The following PLB1 variants were observed in gnomAD, a reference collection of about 807,000 sequenced individuals.
The protein encoded by PLB1 is phospholipase B1, membrane-associated.
Under a neutral mutation model 227.4 loss-of-function variants are expected in PLB1, and 242 were observed. That is an observed-to-expected ratio of 1.06 (90% CI 0.96 to 1.18). The LOEUF (loss-of-function observed/expected upper bound fraction) is 1.18, where lower values mean the gene tolerates loss of function less well. PLB1 is among the 50% of genes most tolerant of loss of function. The pLI is 0.00. For missense variants in PLB1, 1,858 were observed against 1,816.3 expected (o/e 1.02, Z -0.42); for synonymous variants, 757 against 682.2 (o/e 1.11, Z -1.71).
intron 4 of PLB1, among the ~76,000 whole-genome samples, chr2:28,521,326 A>G (rs982757658): frequency 3.9e-5 from 6 of 152,204 alleles, no homozygotes; most frequent in African/African-American, 1.2e-4. Flanking sequence ...TAGTAATTCT[A>G]TTTTTAAAAC....
intron 6 of PLB1, 45 bp downstream of exon 6, chr2:28,525,990 T>C (rs4666085): frequency 0.97 from 1,557,050 of 1,611,392 alleles, 753,153 homozygotes; most frequent in East Asian, 1. Context: ...GCCCCTCTCC[T>C]TCCCAACACA....
chr2:28,571,379 C>G (rs992176795), intron 20 of PLB1, among the ~76,000 whole-genome samples: 6 of 152,202 alleles, frequency 3.9e-5, no homozygotes, highest in Non-Finnish European at 8.8e-5. Flanking sequence ...ATACTCCCCA[C>G]ATCAATCTAC....
At chr2:28,523,607 C>T (rs572729523) in intron 4 of PLB1, among the ~76,000 whole-genome samples, 1 of 152,240 alleles carries the variant, frequency 6.6e-6, no homozygotes, top group African/African-American at 2.4e-5. Flanking sequence ...GAGCCCTTCC[C>T]CCAACCCCCT....
intron 46 of PLB1, 155 bp downstream of exon 46, chr2:28,618,554 G>A (rs1686527920): frequency 4.1e-6 from 3 of 737,786 alleles, no homozygotes; most frequent in East Asian, 2.7e-5. Context: ...GCCAGGAGAT[G>A]TAGAATGCCC....
chr2:28,580,381 T>G (rs564209572), intron 23 of PLB1, among the ~76,000 whole-genome samples: 121 of 152,222 alleles, frequency 7.9e-4, no homozygotes, highest in African/African-American at 2.8e-3. Context: ...AAAGCAGACA[T>G]CAGGATGTTG....
intron 27 of PLB1, 38 bp from the exon 28 acceptor site, chr2:28,589,637 T>C (rs753755819): frequency 1.2e-6 from 2 of 1,606,930 alleles, no homozygotes. Flanking sequence ...TGATCCAGTG[T>C]GTCTATAACT....
chr2:28,528,941 C>CTTT (rs201087238), intron 6 of PLB1, among the ~76,000 whole-genome samples: 49 of 109,418 alleles, frequency 4.5e-4, no homozygotes, highest in African/African-American at 1.7e-3. Context: ...GGGAGTCAGT[C>CTTT]TTTTTTTTTT....
intron 14 of PLB1, chr2:28,548,422 C>T (rs114515021): frequency 2.3e-5 from 8 of 341,890 alleles, no homozygotes; most frequent in East Asian, 7.8e-5. Context: ...GCTGGATAAC[C>T]GGCCCCCACG....
chr2:28,633,443 A>G (rs35357163), intron 56 of PLB1: 6,126 of 188,372 alleles, frequency 0.033, 152 homozygotes, highest in Non-Finnish European at 0.049. Context: ...CAGACAACGC[A>G]TTGAGATCAT....
intron 21 of PLB1, among the ~76,000 whole-genome samples, chr2:28,575,006 A>T: frequency 6.6e-6 from 1 of 152,146 alleles, no homozygotes; most frequent in Non-Finnish European, 1.5e-5. Context: ...TCATGTAATG[A>T]CTTATTTTCC....
At position 28,628,603 on chromosome 2, in the gene PLB1, A is replaced by T. The variant is rs868520406; in HGVS notation, c.3701A>T (p.Gln1234Leu). The change falls in exon 52 of 58, where the codon CAG (glutamine) becomes CTG (leucine). Residue 1234 changes from glutamine to leucine, a missense_variant. Physicochemically the swap from Gln to Leu is moderately radical, Grantham distance 113. Coordinates refer to ENST00000327757, the MANE Select transcript of PLB1 (RefSeq NM_153021.5). ...ACGGAATATGTTCAGCACATCCAAC[A>T]GGCCCTGGACATCCTCTCTGAGGAG... The part of the protein sequence containing the change: ...LATEYVQHIQ[Q>L]ALDILSEELP... The T allele has an allele frequency of 1.6e-5, 26 of 1,614,148 alleles. No homozygotes were observed. Among genetic ancestry groups the T allele is most frequent in the Non-Finnish European group, 2.1e-5 (25 of 1,180,014 alleles).
At chr2:28,506,889 A>G (rs1210995777) in intron 1 of PLB1, among the ~76,000 whole-genome samples, 3 of 152,126 alleles carry the variant, frequency 2.0e-5, no homozygotes, top group Non-Finnish European at 4.4e-5. Context: ...TTCCTTTTGC[A>G]TTATTGCATC....
In PLB1 at chr2:28,496,068, G is replaced by A. The variant is rs1666393383; in HGVS notation, c.-47G>A. On this transcript the variant is annotated 5_prime_UTR_variant, in exon 1 of 58. Transcript: ENST00000327757. ...AGGAGGTGTGATAGCCCATCCATCT[G>A]CTGGAGCAGCTCTTCCAGAGGCCCG... is the stretch of plus-strand genomic sequence containing the variant. The A allele has an allele frequency of 6.3e-7, 1 of 1,582,820 alleles. No homozygotes were observed. The highest frequency in any genetic ancestry group is 8.7e-7 in the Non-Finnish European group (1 of 1,152,058).
chr2:28,639,159 C>G (rs971127582), intron 56 of PLB1, among the ~76,000 whole-genome samples: 1 of 151,974 alleles, frequency 6.6e-6, no homozygotes, highest in Non-Finnish European at 1.5e-5. Context: ...CTACCTAGCC[C>G]TGGGCATTCA....
rs764848596 is a variant in PLB1, at chr2:28,630,574, C to A, written c.3819-12C>A. 1 of 1,612,574 alleles carries A rather than the reference C, an allele frequency of 6.2e-7. No individual in the cohort carries two copies. The highest frequency in any genetic ancestry group is 1.3e-5 in the African/African-American group (1 of 75,000). ...CCCAGGCAGCCTCAATACAACACTC[C>A]CTGTCTCACAGGAACAACTGCACTT... On this transcript the variant is annotated splice_polypyrimidine_tract_variant and intron_variant, in intron 53 of 57. Coordinates refer to ENST00000327757, the MANE Select transcript of PLB1 (RefSeq NM_153021.5).
chr2:28,606,969 C>A (rs1174658710), intron 43 of PLB1, among the ~76,000 whole-genome samples: 15 of 152,068 alleles, frequency 9.9e-5, no homozygotes, highest in Admixed American at 9.8e-4. Context: ...GGCTTAAGAG[C>A]TGTGGTTGGA....
Position 28,509,574 on chromosome 2 carries a change from C to T in PLB1, c.56-7234C>T, listed in dbSNP as rs1212105357. Among the ~76,000 whole-genome samples, 8 of 152,170 alleles carry T rather than the reference C, an allele frequency of 5.3e-5. No homozygotes were observed. The East Asian group carries it at 1.5e-3, about 29-fold the overall frequency. ...AGACCCCAGTGGTCACAGCCCTGTCCAACTTGGATGACTGATCTCGGCCAA... is the reference window on the plus strand; with the variant it reads ...AGACCCCAGTGGTCACAGCCCTGTCTAACTTGGATGACTGATCTCGGCCAA... On this transcript the variant is annotated intron_variant, in intron 1 of 57. Transcript: ENST00000327757.
chr2:28,631,182 G>C (rs1244316460), intron 54 of PLB1, among the ~76,000 whole-genome samples: 1 of 151,120 alleles, frequency 6.6e-6, no homozygotes, highest in Non-Finnish European at 1.5e-5. Context: ...AAAGAAAAAG[G>C]CTTAGCCCTG....
chr2:28,607,492 G>A (rs1684855056), intron 43 of PLB1, among the ~76,000 whole-genome samples: 1 of 152,178 alleles, frequency 6.6e-6, no homozygotes, highest in South Asian at 2.1e-4. Context: ...CCCATCAGGA[G>A]AGCAAGAATG....
Sources: allele counts gnomAD v4.1 joint callset (sites outside exome capture counted in the v4.1 genomes callset), GRCh38; gene constraint gnomAD v4.1.1; transcripts MANE v1.5; gene names NCBI Gene and HGNC (gene_info 2026-07-23, HGNC 2026-07-21).